The following CD3E variants were observed in gnomAD, a reference collection of about 807,000 sequenced individuals.
The protein encoded by CD3E is T-cell surface glycoprotein CD3 epsilon chain.
Under a neutral mutation model 34.7 loss-of-function variants are expected in CD3E, and 16 were observed. That is an observed-to-expected ratio of 0.46 (90% CI 0.31 to 0.70). The LOEUF is 0.70. CD3E is among the 30% of genes least tolerant of loss of function. CD3E has a pLI of 0.05. For synonymous variants in CD3E, 70 were observed against 90.8 expected, an observed-to-expected ratio of 0.77 and a Z score of 1.30; for missense variants, 223 against 253.9, an observed-to-expected ratio of 0.88 and a Z score of 0.83.
chr11:118,306,213 G>C (rs1306715108), intron 2 of CD3E, among the ~76,000 whole-genome samples: 4 of 152,072 alleles, frequency 2.6e-5, no homozygotes, highest in Non-Finnish European at 5.9e-5. Context: ...AGGAGGAGAA[G>C]GGCCAGGTGC....
At chr11:118,313,561 C>T in intron 6 of CD3E, 146 bp from the exon 7 acceptor site, 7 of 767,848 alleles carry the variant, frequency 9.1e-6, no homozygotes, top group Non-Finnish European at 1.5e-5. Flanking sequence ...CAATGTTGTT[C>T]TAAACATATT....
At position 118,306,573 on chromosome 11, in the gene CD3E, T is replaced by C. The variant is rs962332298; in HGVS notation, c.50-715T>C. Among the ~76,000 whole-genome samples the C allele has an allele frequency of 5.9e-5, 9 of 152,170 alleles. No homozygotes were observed. In the South Asian group the frequency reaches 6.2e-4, roughly 11 times the overall value. On this transcript the variant is annotated intron_variant, in intron 2 of 8. Transcript: ENST00000361763. ...AATCACCTCTAGACATCTGGCATCA[T>C]AGGAATGTGCCCAGTCTGCTCTGGG...
Position 118,312,613 on chromosome 11 carries a change from C to G in CD3E, c.104-5C>G. The stretch of plus-strand genomic sequence containing the variant: ...CTTCTGCCAATTTCCCTTCTTTCTC[C>G]CCAGCATATAAAGTCTCCATCTCTG... On this transcript the variant is annotated splice_polypyrimidine_tract_variant and splice_region_variant and intron_variant, in intron 5 of 8. Transcript: ENST00000361763. 6.2e-7 allele frequency: 1 copy of G among 1,614,150 alleles called. No individual in the cohort carries two copies. The highest frequency in any genetic ancestry group is 1.1e-5 in the South Asian group (1 of 91,076).
chr11:118,312,569 TC>T, intron 5 of CD3E, 48 bp from the exon 6 acceptor site: 1 of 1,613,412 alleles, frequency 6.2e-7, no homozygotes, highest in Non-Finnish European at 8.5e-7. Context: ...ATTTGCCTTT[TC>T]TAAAATTGTC....
chr11:118,308,310 T>C (rs1237668530), intron 3 of CD3E, 117 bp from the exon 4 acceptor site: 1 of 764,434 alleles, frequency 1.3e-6, no homozygotes, highest in Non-Finnish European at 2.4e-6. Flanking sequence ...GCTGAGGGAA[T>C]TGGAAGATCC....
chr11:118,308,519 A>C, intron 4 of CD3E, 78 bp downstream of exon 4: 1 of 912,254 alleles, frequency 1.1e-6, no homozygotes, highest in Non-Finnish European at 1.8e-6. Context: ...TCACAGTAAC[A>C]AACCCTGAGA....
At chr11:118,313,632 A>T (rs1948148374) in intron 6 of CD3E, 75 bp from the exon 7 acceptor site, 1 of 1,398,474 alleles carries the variant, frequency 7.2e-7, no homozygotes, top group Admixed American at 1.7e-5. Context: ...GCCTTCATGC[A>T]CTCCCTCCTC....
intron 5 of CD3E, 94 bp from the exon 6 acceptor site, chr11:118,312,524 T>C (rs1948141170): frequency 1.4e-6 from 2 of 1,413,854 alleles, no homozygotes; most frequent in Admixed American, 3.4e-5. Context: ...AGATGACAGA[T>C]GACTTCCTGC....
chr11:118,313,713 A>T lies in CD3E; in HGVS notation c.359A>T (p.Glu120Val). 6.2e-7 allele frequency: 1 copy of T among 1,612,414 alleles called. No individual in the cohort carries two copies. Among genetic ancestry groups the T allele is most frequent in the Non-Finnish European group, 8.5e-7 (1 of 1,178,664 alleles). ...CCCACCCCACCCCCCACAGTGTGTG[A>T]GAACTGCATGGAGATGGATGTGATG... is the stretch of plus-strand genomic sequence containing the variant. Reference protein sequence around the residue: ...FYLYLRARVCENCMEMDVMSV... With the variant: ...FYLYLRARVCVNCMEMDVMSV... The change falls in exon 7 of 9, where the codon GAG (glutamate) becomes GTG (valine). Residue 120 changes from glutamate to valine, a missense_variant. Glu to Val is a moderately radical substitution (Grantham distance 121). Coordinates refer to ENST00000361763, the MANE Select transcript of CD3E (RefSeq NM_000733.4).
Position 118,312,716 on chromosome 11 carries a change from G to A in CD3E, c.202G>A (p.Gly68Ser), listed in dbSNP as rs200087808. The A allele has an allele frequency of 7.1e-5, 115 of 1,614,072 alleles. No homozygotes were observed. The highest frequency in any genetic ancestry group is 6.6e-4 in the Middle Eastern group (4 of 6,058). ...LWQHNDKNIG[G>S]DEDDKNIGSD... is the part of the protein sequence containing the mutation. Reference sequence around the variant, plus strand: ...GCAACACAATGATAAAAACATAGGCGGTGATGAGGATGATAAAAACATAGG... The same window carrying A: ...GCAACACAATGATAAAAACATAGGCAGTGATGAGGATGATAAAAACATAGG... The change falls in exon 6 of 9, where the codon GGT (glycine) becomes AGT (serine). Residue 68 changes from glycine to serine, a missense_variant. By Grantham distance (56) the Gly-to-Ser change is moderately conservative. Coordinates refer to ENST00000361763, the MANE Select transcript of CD3E (RefSeq NM_000733.4).
In CD3E at chr11:118,313,699, C is replaced by T. The variant is rs1948148979; in HGVS notation, c.353-8C>T. On this transcript the variant is annotated splice_region_variant and splice_polypyrimidine_tract_variant and intron_variant, in intron 6 of 8. Transcript: ENST00000361763. ...TGATTTCCCCTCTCCCCACCCCACC[C>T]CCCACAGTGTGTGAGAACTGCATGG... is the stretch of plus-strand genomic sequence containing the variant. The T allele has an allele frequency of 1.2e-6, 2 of 1,613,876 alleles. No individual in the cohort carries two copies. Among genetic ancestry groups the T allele is most frequent in the Non-Finnish European group, 1.7e-6 (2 of 1,179,892 alleles).
chr11:118,312,324 T>A (rs1948140023), intron 5 of CD3E, 154 bp downstream of exon 5: 1 of 838,616 alleles, frequency 1.2e-6, no homozygotes, highest in Non-Finnish European at 2.1e-6. Context: ...AAATAGGGAC[T>A]TCTGTGGGTT....
At position 118,315,691 on chromosome 11, in the gene CD3E, C is replaced by G; in HGVS notation, c.*149C>G. ...TCGCGCCCTCCAGCCTGATCCCCCG[C>G]TCCCTCCTCCCTGCCTTCTCTGCTG... is the stretch of plus-strand genomic sequence containing the variant. On this transcript the variant is annotated 3_prime_UTR_variant, in exon 9 of 9. Coordinates refer to ENST00000361763, the MANE Select transcript of CD3E (RefSeq NM_000733.4). The G allele has an allele frequency of 1.4e-6, 1 of 703,446 alleles. No individual in the cohort carries two copies. The highest frequency in any genetic ancestry group is 2.6e-6 in the Non-Finnish European group (1 of 391,098). The allele number at this position is 703,446 out of a possible 1,614,324, so 43.6% of individuals were successfully genotyped here. A position where few individuals can be genotyped will look rare whatever the true frequency, so the allele number is the denominator to read the frequency against.
Position 118,315,831 on chromosome 11 carries a change from T to G in CD3E, c.*289T>G. On this transcript the variant is annotated 3_prime_UTR_variant, in exon 9 of 9. Transcript: ENST00000361763. ...ATATTTATTTGTGCTATTCACTCCC[T>G]TCCCTTTGGATGTAACTTCTCCGTT... The G allele has an allele frequency of 3.7e-6, 2 of 547,802 alleles. No individual in the cohort carries two copies. Among genetic ancestry groups the G allele is most frequent in the Non-Finnish European group, 6.6e-6 (2 of 305,290 alleles). The allele number at this position is 547,802 out of a possible 1,614,324, so 33.9% of individuals were successfully genotyped here.
intron 6 of CD3E, 98 bp from the exon 7 acceptor site, chr11:118,313,609 T>C: frequency 8.9e-7 from 1 of 1,121,290 alleles, no homozygotes; most frequent in Middle Eastern, 2.3e-4. Flanking sequence ...GTGTGAGTAG[T>C]AAGGGGAGAA....
At chr11:118,308,500 A>C in intron 4 of CD3E, 59 bp downstream of exon 4, 2 of 1,083,976 alleles carry the variant, frequency 1.8e-6, no homozygotes, top group South Asian at 2.6e-5. Flanking sequence ...AAATGCTCAT[A>C]GAGTACAATC....
At chr11:118,308,846 G>A (rs2134763003) in intron 4 of CD3E, among the ~76,000 whole-genome samples, 1 of 152,324 alleles carries the variant, frequency 6.6e-6, no homozygotes, top group African/African-American at 2.4e-5. Flanking sequence ...GAAGCTGATG[G>A]TCTTGTGTGA....
At chr11:118,310,965 T>C (rs1014777570) in intron 4 of CD3E, among the ~76,000 whole-genome samples, 7 of 152,150 alleles carry the variant, frequency 4.6e-5, no homozygotes, top group Non-Finnish European at 1.0e-4. Flanking sequence ...GCTCTGGGAG[T>C]AGCAGGACCT....
rs368026502 is a variant in CD3E, at chr11:118,311,297, A to G, written c.86-856A>G. On this transcript the variant is annotated intron_variant, in intron 4 of 8. Transcript: ENST00000361763. ...AGCAGAACCCAGTGTTCCAGCCACAAGTTTTCCAGGAAATAATAAAGGACT... is the reference window on the plus strand; with the variant it reads ...AGCAGAACCCAGTGTTCCAGCCACAGGTTTTCCAGGAAATAATAAAGGACT... Among the ~76,000 whole-genome samples, 3 of 152,288 alleles carry G rather than the reference A, an allele frequency of 2.0e-5. 1 individual carries two copies.
Sources: gnomAD v4.1 joint callset for allele counts (sites outside exome capture counted in the v4.1 genomes callset) on GRCh38, gnomAD v4.1.1 for gene constraint, MANE v1.5 for transcripts, NCBI Gene and HGNC (gene_info 2026-07-23, HGNC 2026-07-21) for gene names.